AGAP1: variants seen among roughly 807,000 people sequenced by gnomAD.
The protein encoded by AGAP1 is arf-GAP with GTPase, ANK repeat and PH domain-containing protein 1.
AGAP1 carries 29 observed loss-of-function variants against 105.3 expected under a neutral mutation model. That is an observed-to-expected ratio of 0.28 (90% CI 0.21 to 0.38). The LOEUF is 0.38. Among genes scored for constraint, AGAP1 ranks in the 10% least tolerant of loss-of-function variants. The pLI, the probability that AGAP1 is intolerant of heterozygous loss-of-function variation, is 1.00. For missense variants in AGAP1, 998 were observed against 1,165.1 expected, an observed-to-expected ratio of 0.86 and a Z score of 2.09; for synonymous variants, 509 against 485.9, an observed-to-expected ratio of 1.05 and a Z score of -0.63.
In AGAP1 at chr2:235,964,414, C is replaced by G. The variant is rs1053390982; in HGVS notation, c.1484-4048C>G. Among the ~76,000 whole-genome samples the G allele has an allele frequency of 6.6e-6, 1 of 152,110 alleles. No individual in the cohort carries two copies. The highest frequency in any genetic ancestry group is 6.5e-5 in the Admixed American group (1 of 15,270). ...CACAGTGACCATTGTTTCCCATGGC[C>G]TGGCACCATACCTGGCAAAGTGGGC... is the stretch of plus-strand genomic sequence containing the variant. On this transcript the variant is annotated intron_variant, in intron 12 of 17. Transcript: ENST00000304032. The surrounding 1 kb of genome is among the most constrained non-coding windows in gnomAD (Gnocchi z 4.6).
At chr2:236,004,067 A>G (rs908449660) in intron 13 of AGAP1, among the ~76,000 whole-genome samples, 1 of 152,076 alleles carries the variant, frequency 6.6e-6, no homozygotes, top group Non-Finnish European at 1.5e-5. Flanking sequence ...AAATATTCCT[A>G]TTTAGCACAG....
At chr2:235,932,032 G>A (rs545119453) in intron 12 of AGAP1, among the ~76,000 whole-genome samples, 1 of 152,336 alleles carries the variant, frequency 6.6e-6, no homozygotes, top group African/African-American at 2.4e-5. Flanking sequence ...TTCTTCAAGG[G>A]CTCTCTAAGG....
At chr2:235,761,166 G>A (rs1575366891) in intron 6 of AGAP1, among the ~76,000 whole-genome samples, 2 of 152,174 alleles carry the variant, frequency 1.3e-5, no homozygotes, top group African/African-American at 4.8e-5. Context: ...CAAACAACCA[G>A]AGACAATAAA....
At chr2:235,547,686 T>C (rs1239151281) in intron 1 of AGAP1, among the ~76,000 whole-genome samples, 1 of 152,100 alleles carries the variant, frequency 6.6e-6, no homozygotes, top group Middle Eastern at 3.2e-3. Context: ...AGAGACGGGG[T>C]TTTGCCATGT....
At chr2:235,525,926 A>G (rs1470768702) in intron 1 of AGAP1, among the ~76,000 whole-genome samples, 10 of 98,296 alleles carry the variant, frequency 1.0e-4, no homozygotes, top group South Asian at 4.8e-4. Flanking sequence ...TTTATAAAGT[A>G]GAGGACTGAT....
rs1956749369 is a variant in AGAP1, at chr2:235,787,944, G to GC, written c.674-9813dup. 6.6e-6 allele frequency among the ~76,000 whole-genome samples: 1 copy of GC among 152,090 alleles called. No homozygotes were observed. Among genetic ancestry groups the GC allele is most frequent in the Non-Finnish European group, 1.5e-5 (1 of 68,018 alleles). On this transcript the variant is annotated intron_variant, in intron 6 of 17. Transcript: ENST00000304032. The surrounding 1 kb of genome is among the most constrained non-coding windows in gnomAD (Gnocchi z 4.4). ...CATTCCGGGACCAAGAGCAAGCAAGGCCAAGAGCATTGTAAGACCAAGAGC... is the reference window on the plus strand; with the variant it reads ...CATTCCGGGACCAAGAGCAAGCAAGGCCCAAGAGCATTGTAAGACCAAGAGC...
In AGAP1 at chr2:235,569,366, G is replaced by T. The variant is rs1386151507; in HGVS notation, c.163+74517G>T. Among the ~76,000 whole-genome samples, 4 of 152,126 alleles carry T rather than the reference G, an allele frequency of 2.6e-5. No homozygotes were observed. The highest frequency in any genetic ancestry group is 9.7e-5 in the African/African-American group (4 of 41,408). On this transcript the variant is annotated intron_variant, in intron 1 of 17. Transcript: ENST00000304032. The surrounding 1 kb of genome is among the most constrained non-coding windows in gnomAD (Gnocchi z 5.9). ...ATGACCCCGAGTGGGTGCCTCTCCT[G>T]GCCAGGTGTCCCCTTGTGTATGTTA...
chr2:235,590,232 C>T (rs1446117058), intron 1 of AGAP1, among the ~76,000 whole-genome samples: 2 of 152,152 alleles, frequency 1.3e-5, no homozygotes, highest in African/African-American at 2.4e-5. Context: ...TCGGTGTTAA[C>T]GTTTAAAAGC....
chr2:235,815,601 C>T (rs1052659379), intron 9 of AGAP1, among the ~76,000 whole-genome samples: 1 of 152,194 alleles, frequency 6.6e-6, no homozygotes. Context: ...TTCTTTCCAT[C>T]TGGAATGTCC....
At position 235,875,122 on chromosome 2, in the gene AGAP1, CT is replaced by C. The variant is rs1254325912; in HGVS notation, c.1051-8221del. 2.0e-5 allele frequency among the ~76,000 whole-genome samples: 3 copies of C among 152,114 alleles called. No individual in the cohort carries two copies. Among genetic ancestry groups the C allele is most frequent in the Non-Finnish European group, 4.4e-5 (3 of 68,018 alleles). ...TGTCACCCCCTCTCCCCCATCTGCC[CT>C]TGCTGCAAGGAGGAGGTCAGCCTTG... On this transcript the variant is annotated intron_variant, in intron 9 of 17. Coordinates refer to ENST00000304032, the MANE Select transcript of AGAP1 (RefSeq NM_001037131.3). The surrounding 1 kb of genome is among the most constrained non-coding windows in gnomAD (Gnocchi z 4.0).
intron 1 of AGAP1, among the ~76,000 whole-genome samples, chr2:235,707,727 G>C (rs73124497): frequency 0.056 from 7,896 of 139,984 alleles, 1,207 homozygotes; most frequent in African/African-American, 0.22. Flanking sequence ...GCTCCCCCAG[G>C]GTGTGAGATG....
chr2:235,952,367 T>A (rs550057683), intron 12 of AGAP1, among the ~76,000 whole-genome samples: 111 of 151,442 alleles, frequency 7.3e-4, no homozygotes, highest in Non-Finnish European at 9.7e-4. Context: ...AAAAAAAAAA[T>A]TTCATCAGCC....
intron 13 of AGAP1, among the ~76,000 whole-genome samples, chr2:236,029,042 C>T (rs1402888823): frequency 6.6e-6 from 1 of 152,106 alleles, no homozygotes; most frequent in East Asian, 1.9e-4. Flanking sequence ...TGAGTCCTTA[C>T]CTCTCCCAGT....
chr2:235,778,885 T>C (rs1377202379), intron 6 of AGAP1, among the ~76,000 whole-genome samples: 2 of 152,200 alleles, frequency 1.3e-5, no homozygotes, highest in Non-Finnish European at 2.9e-5. Flanking sequence ...CTGTGGCCTC[T>C]CCAGCCCCGT....
In AGAP1 at chr2:235,677,450, G is replaced by A. The variant is rs116328479; in HGVS notation, c.164-31729G>A. Among the ~76,000 whole-genome samples the A allele has an allele frequency of 3.1e-3, 466 of 152,268 alleles. 3 individuals are homozygous for A. Among genetic ancestry groups the A allele is most frequent in the African/African-American group, 0.01 (436 of 41,556 alleles). ...TGCATTTTGGTCTGTGGGAGTGGAA[G>A]GGAAAATGACGGTTTCTTTCCTATA... On this transcript the variant is annotated intron_variant, in intron 1 of 17. Coordinates refer to ENST00000304032, the MANE Select transcript of AGAP1 (RefSeq NM_001037131.3).
In AGAP1 at chr2:236,095,024, G is replaced by C. The variant is rs181443367; in HGVS notation, c.2115-25168G>C. On this transcript the variant is annotated intron_variant, in intron 16 of 17. Transcript: ENST00000304032. The surrounding 1 kb of genome is among the most constrained non-coding windows in gnomAD (Gnocchi z 4.1). The stretch of plus-strand genomic sequence containing the variant: ...TGAGATGGGAGGATCACTTGAGCCC[G>C]GGAGGTCCAGGCTGCAGTGAGCCCT... Among the ~76,000 whole-genome samples the C allele has an allele frequency of 1.3e-5, 2 of 150,736 alleles. No individual in the cohort carries two copies. Among genetic ancestry groups the C allele is most frequent in the African/African-American group, 4.9e-5 (2 of 40,926 alleles).
In AGAP1 at chr2:235,865,363, C is replaced by T. The variant is rs1398193546; in HGVS notation, c.1051-17982C>T. On this transcript the variant is annotated intron_variant, in intron 9 of 17. Transcript: ENST00000304032. This position sits in a 1 kb window ranked among gnomAD's most constrained non-coding sequence, Gnocchi z 6.2. Reference sequence around the variant, plus strand: ...GTGAGCTGACCTGTGTGTGGCGCAGCCTTGGGTTCCGCAAATAGGGCACCC... The same window carrying T: ...GTGAGCTGACCTGTGTGTGGCGCAGTCTTGGGTTCCGCAAATAGGGCACCC... 6.6e-6 allele frequency among the ~76,000 whole-genome samples: 1 copy of T among 152,166 alleles called. No individual in the cohort carries two copies. The highest frequency in any genetic ancestry group is 1.9e-4 in the East Asian group (1 of 5,180).
At chr2:235,766,740 T>G (rs1229721367) in intron 6 of AGAP1, among the ~76,000 whole-genome samples, 1 of 151,964 alleles carries the variant, frequency 6.6e-6, no homozygotes, top group South Asian at 2.1e-4. Context: ...AGATACAAAG[T>G]TTTTCTTTTG....
chr2:235,894,642 C>CAT (rs2050718372), intron 10 of AGAP1, among the ~76,000 whole-genome samples: 3 of 151,342 alleles, frequency 2.0e-5, no homozygotes, highest in South Asian at 2.1e-4. Context: ...TGTACACACA[C>CAT]ACACACAGCT....
Sources: gnomAD v4.1 joint callset for allele counts (sites outside exome capture counted in the v4.1 genomes callset) on GRCh38, gnomAD v4.1.1 for gene constraint, Gnocchi (gnomAD v3.1) non-coding constraint, MANE v1.5 for transcripts, NCBI Gene and HGNC (gene_info 2026-07-23, HGNC 2026-07-21) for gene names.